The following ST18 variants were observed in gnomAD, a reference collection of about 807,000 sequenced individuals.
ST18 encodes the protein ST18 C2H2C-type zinc finger transcription factor.
ST18 carries 50 observed loss-of-function variants against 110.0 expected under a neutral mutation model. That is an observed-to-expected ratio of 0.45 (90% CI 0.36 to 0.58). The LOEUF (loss-of-function observed/expected upper bound fraction) is 0.58, where lower values mean the gene tolerates loss of function less well. Ranked by LOEUF, ST18 falls within the 20% of genes least tolerant of loss-of-function variation. The probability of loss-of-function intolerance (pLI) is 0.00; values close to 1 mark genes in which losing one functional copy is unlikely to be tolerated. For missense variants in ST18, 1,306 were observed against 1,280.1 expected (o/e 1.02, Z -0.31); for synonymous variants, 461 against 452.4 (o/e 1.02, Z -0.24).
chr8:52,116,440 A>G (rs1586107795), intron 24 of ST18, 22 bp from the exon 25 acceptor site: 1 of 1,606,364 alleles, frequency 6.2e-7, no homozygotes, highest in Non-Finnish European at 8.5e-7. Context: ...ATAACTTGGG[A>G]ATGTGAGTAG....
chr8:52,402,913 G>A (rs551760055), intron 2 of ST18, among the ~76,000 whole-genome samples: 1 of 152,284 alleles, frequency 6.6e-6, no homozygotes, highest in East Asian at 1.9e-4. Flanking sequence ...TATGGGGTGT[G>A]GCTGCTCTGC....
chr8:52,226,912 T>C (rs1422019000), intron 3 of ST18, among the ~76,000 whole-genome samples: 1 of 152,226 alleles, frequency 6.6e-6, no homozygotes, highest in Non-Finnish European at 1.5e-5. Context: ...CCATCTTTAA[T>C]AGGTTCTTTG....
intron 2 of ST18, among the ~76,000 whole-genome samples, chr8:52,366,083 A>G (rs1827824244): frequency 6.6e-6 from 1 of 152,086 alleles, no homozygotes; most frequent in African/African-American, 2.4e-5. Flanking sequence ...CTGGGAGAGG[A>G]CACACAACTT....
chr8:52,220,667 C>T (rs1363647700), intron 5 of ST18, 74 bp downstream of exon 5: 2 of 152,090 alleles, frequency 1.3e-5, no homozygotes, highest in Non-Finnish European at 2.9e-5. Flanking sequence ...GGAGAGCTTT[C>T]GTATAAATTC....
At chr8:52,201,667 C>T (rs1037733868) in intron 8 of ST18, among the ~76,000 whole-genome samples, 1 of 152,146 alleles carries the variant, frequency 6.6e-6, no homozygotes, top group African/African-American at 2.4e-5. Flanking sequence ...CAATCTACAC[C>T]ATCCGTGCCT....
Position 52,175,081 on chromosome 8 carries a change from G to T in ST18, c.278-2498C>A, listed in dbSNP as rs796422878. On this transcript the variant is annotated intron_variant, in intron 9 of 25. Coordinates refer to ENST00000689386, the MANE Select transcript of ST18 (RefSeq NM_001352837.2). ...CCTAAGCTTGAGTTCTGATCCTGGC[G>T]GCCTCTCTTGCAAGCTCGGTGGGGC... Among the ~76,000 whole-genome samples the T allele has an allele frequency of 2.0e-5, 3 of 152,038 alleles. No individual in the cohort carries two copies. The East Asian group carries it at 5.8e-4, about 29-fold the overall frequency.
At chr8:52,162,417 G>C (rs528903509) in intron 13 of ST18, among the ~76,000 whole-genome samples, 1 of 152,314 alleles carries the variant, frequency 6.6e-6, no homozygotes, top group Admixed American at 6.5e-5. Context: ...TGATGCCTAA[G>C]AGGGGCAGTA....
intron 2 of ST18, chr8:52,393,644 A>G (rs758630848): frequency 1.3e-5 from 2 of 152,142 alleles, no homozygotes; most frequent in Non-Finnish European, 2.9e-5. Context: ...GCACTTTGAG[A>G]GGCTGAGGCA....
chr8:52,344,645 C>A (rs894353859), intron 2 of ST18, among the ~76,000 whole-genome samples: 2 of 152,194 alleles, frequency 1.3e-5, no homozygotes, highest in African/African-American at 4.8e-5. Flanking sequence ...AGGTGATCCG[C>A]CTGCCTCAGC....
intron 2 of ST18, among the ~76,000 whole-genome samples, chr8:52,339,629 C>T (rs1260832577): frequency 6.6e-6 from 1 of 152,178 alleles, no homozygotes; most frequent in Non-Finnish European, 1.5e-5. Context: ...GGCTGAGGTC[C>T]GAGGTCTGAG....
chr8:52,383,896 C>T (rs1201314152), intron 2 of ST18, among the ~76,000 whole-genome samples: 1 of 152,192 alleles, frequency 6.6e-6, no homozygotes, highest in Non-Finnish European at 1.5e-5. Context: ...TATGAGCCTG[C>T]ACCACCTCAC....
At chr8:52,263,605 G>GTTT (rs1198571205) in intron 2 of ST18, among the ~76,000 whole-genome samples, 1 of 124,934 alleles carries the variant, frequency 8.0e-6, no homozygotes, top group Non-Finnish European at 1.8e-5. Flanking sequence ...TAGTTTTTTT[G>GTTT]TTTTGTTTTT....
chr8:52,330,673 GA>G (rs1387373166), intron 2 of ST18, among the ~76,000 whole-genome samples: 1 of 152,240 alleles, frequency 6.6e-6, no homozygotes, highest in African/African-American at 2.4e-5. Context: ...ATGTGGAGAT[GA>G]CCGGCTCTGG....
chr8:52,132,165 C>T lies in ST18; in HGVS notation c.2459G>A (p.Gly820Glu). Residue 820 changes from glycine (G) to glutamate (E), a missense_variant, in exon 22 of 26, where the codon GGG (glycine) becomes GAG (glutamate). Transcript: ENST00000689386. ...EDPELKCPVI[G>E]CDGQGHISGK... ...TGATATGTGACCTTGGCCATCACAC[C>T]CTATCACAGGACATCTAGAGAGAAA... The T allele has an allele frequency of 6.2e-7, 1 of 1,612,160 alleles. No homozygotes were observed. The highest frequency in any genetic ancestry group is 1.1e-5 in the South Asian group (1 of 90,946).
At position 52,167,283 on chromosome 8, in the gene ST18, A is replaced by G. The variant is rs548496360; in HGVS notation, c.1070-297T>C. Among the ~76,000 whole-genome samples the G allele has an allele frequency of 2.6e-5, 4 of 152,358 alleles. No homozygotes were observed. In the East Asian group the frequency reaches 5.8e-4, roughly 22 times the overall value. ...GTTAGAGCCTCATTATGAAAAATCAACCCTGTGCTAGGGGATGAACAGGCT... is the reference window on the plus strand; with the variant it reads ...GTTAGAGCCTCATTATGAAAAATCAGCCCTGTGCTAGGGGATGAACAGGCT... On this transcript the variant is annotated intron_variant, in intron 10 of 25. Transcript: ENST00000689386.
intron 10 of ST18, among the ~76,000 whole-genome samples, chr8:52,169,390 G>A (rs1156518069): frequency 6.6e-6 from 1 of 152,118 alleles, no homozygotes; most frequent in African/African-American, 2.4e-5. Context: ...CCTTTTCATA[G>A]GCAGGACAGT....
chr8:52,162,489 C>A (rs1290618494), intron 13 of ST18, among the ~76,000 whole-genome samples: 1 of 152,108 alleles, frequency 6.6e-6, no homozygotes, highest in Non-Finnish European at 1.5e-5. Flanking sequence ...ACCTTTTTTC[C>A]CTGCCTTCAG....
chr8:52,328,698 G>A (rs1807668145), intron 2 of ST18, among the ~76,000 whole-genome samples: 1 of 152,074 alleles, frequency 6.6e-6, no homozygotes, highest in Admixed American at 6.5e-5. Context: ...TCATATATTT[G>A]TAAAAATGAT....
intron 5 of ST18, among the ~76,000 whole-genome samples, chr8:52,218,924 T>C (rs2085526743): frequency 6.6e-6 from 1 of 152,104 alleles, no homozygotes; most frequent in Non-Finnish European, 1.5e-5. Context: ...GTCCTCTCCA[T>C]GAGGAACGCT....
Sources: gnomAD v4.1 joint callset for allele counts (sites outside exome capture counted in the v4.1 genomes callset) on GRCh38, gnomAD v4.1.1 for gene constraint, MANE v1.5 for transcripts, NCBI Gene and HGNC (gene_info 2026-07-23, HGNC 2026-07-21) for gene names.